The following SEC13 variants were observed in gnomAD, a reference collection of about 807,000 sequenced individuals.
SEC13 encodes the protein protein SEC13 homolog.
In SEC13, 25 loss-of-function variants were observed where a neutral mutation model predicts 49.2. The ratio of observed to expected loss-of-function variants is 0.51; its 90% CI spans 0.37 to 0.71. The LOEUF (loss-of-function observed/expected upper bound fraction) is 0.71, where lower values mean the gene tolerates loss of function less well. SEC13 is among the 30% of genes least tolerant of loss of function. SEC13 has a pLI of 0.00. For synonymous variants in SEC13, 148 were observed against 163.9 expected, an observed-to-expected ratio of 0.90 and a Z score of 0.74; for missense variants, 383 against 417.6, an observed-to-expected ratio of 0.92 and a Z score of 0.72.
chr3:10,305,178 G>T, intron 6 of SEC13, 22 bp from the exon 7 acceptor site: 2 of 1,596,226 alleles, frequency 1.3e-6, no homozygotes, highest in Non-Finnish European at 1.7e-6. Context: ...GACAGAAAGA[G>T]AATCAGCAGG....
intron 1 of SEC13, 164 bp downstream of exon 1, chr3:10,320,886 G>T: frequency 1.4e-6 from 2 of 1,426,572 alleles, no homozygotes; most frequent in Non-Finnish European, 1.8e-6. Context: ...GACTCCCCTC[G>T]GAATGGTCCG....
In SEC13 at chr3:10,309,602, A is replaced by G. The variant is rs9846761; in HGVS notation, c.450+2363T>C. On this transcript the variant is annotated intron_variant, in intron 5 of 8. Coordinates refer to ENST00000350697, the MANE Select transcript of SEC13 (RefSeq NM_183352.3). ...GATTTTTAAAAAGTTGATTTACACT[A>G]TTCTCTCTTGTTTTGTATTGTTAGA... Among the ~76,000 whole-genome samples the G allele has an allele frequency of 4.6e-3, 707 of 152,140 alleles. 5 individuals are homozygous for G. The highest frequency in any genetic ancestry group is 0.016 in the African/African-American group (656 of 41,496).
chr3:10,311,526 G>A (rs1380830049), intron 5 of SEC13: 2 of 442,008 alleles, frequency 4.5e-6, no homozygotes, highest in African/African-American at 2.1e-5. Flanking sequence ...CCAACATCAC[G>A]ACCACTGTCA....
chr3:10,312,092 G>A lies in SEC13; in HGVS notation c.323C>T (p.Ser108Leu), dbSNP rs760248534. ...EHAGHDSSVN[S>L]VCWAPHDYGL... ...GTAGTCATGGGGGGCCCAGCACACC[G>A]AGTTCACTGCGGGAAGAGGGAGAGT... is the stretch of plus-strand genomic sequence containing the variant. Residue 108 changes from serine to leucine, a missense_variant, in exon 5 of 9, where the codon TCG becomes TTG. Transcript: ENST00000350697. 33 of 1,600,284 alleles carry A rather than the reference G, an allele frequency of 2.1e-5. No homozygotes were observed. Among genetic ancestry groups the A allele is most frequent in the Admixed American group, 1.7e-5 (1 of 57,622 alleles).
rs1700476559 is a variant in SEC13, at chr3:10,301,153, A to AAAATAATCCTGTTGGAGTTG, written c.*88_*107dup. 6.2e-7 allele frequency: 1 copy of AAAATAATCCTGTTGGAGTTG among 1,613,812 alleles called. No homozygotes were observed. On this transcript the variant is annotated 3_prime_UTR_variant, in exon 9 of 9. Coordinates refer to ENST00000350697, the MANE Select transcript of SEC13 (RefSeq NM_183352.3). The stretch of plus-strand genomic sequence containing the variant: ...GGCTGCATCTGTAACTCCTCCTGGG[A>AAAATAATCCTGTTGGAGTTG]AAATAATCCTGTTGGAGTTGGGGGC...
intron 7 of SEC13, 122 bp downstream of exon 7, chr3:10,304,910 TG>T: frequency 6.9e-7 from 1 of 1,453,508 alleles, no homozygotes; most frequent in East Asian, 2.3e-5. Context: ...CCCTGTGCTC[TG>T]GGCCAAAGGT....
At chr3:10,302,526 TAAA>T (rs1446144007) in intron 8 of SEC13, among the ~76,000 whole-genome samples, 1 of 152,136 alleles carries the variant, frequency 6.6e-6, no homozygotes, top group Non-Finnish European at 1.5e-5. Flanking sequence ...TACAGCCTTG[TAAA>T]AAAGTCACTG....
In SEC13 at chr3:10,305,892, G is replaced by A. The variant is rs117638042; in HGVS notation, c.451-200C>T. 1,764 of 459,564 alleles carry A rather than the reference G, an allele frequency of 3.8e-3. 36 individuals are homozygous for A. In the South Asian group the frequency reaches 0.04, roughly 10 times the overall value. The allele number at this position is 459,564 out of a possible 1,614,324, so 28.5% of individuals were successfully genotyped here. ...GTGTGTGCATTTTTCTGCAGTGTGC[G>A]CTAAAAGTAGAAATTAAGAACTCCC... On this transcript the variant is annotated intron_variant, in intron 5 of 8. Transcript: ENST00000350697.
chr3:10,319,375 A>C (rs1242572738), intron 1 of SEC13: 3 of 1,336,756 alleles, frequency 2.2e-6, no homozygotes, highest in Non-Finnish European at 3.0e-6. Flanking sequence ...TGTATAGGTT[A>C]CAAAGTGCAC....
At position 10,305,147 on chromosome 3, in the gene SEC13, C is replaced by A; in HGVS notation, c.594G>T (p.Glu198Asp). The A allele has an allele frequency of 6.2e-7, 1 of 1,611,526 alleles. No individual in the cohort carries two copies. Among genetic ancestry groups the A allele is most frequent in the Non-Finnish European group, 8.5e-7 (1 of 1,178,672 alleles). ...TCTGCTCCTCCTTCCACTGGCCGTC[C>A]TCCTCCTCCCTAACAGTGGGGACAG... is the stretch of plus-strand genomic sequence containing the variant. Reference protein sequence around the residue: ...DNLIKLWKEEEDGQWKEEQKL... With the variant: ...DNLIKLWKEEDDGQWKEEQKL... The change falls in exon 7 of 9, where the codon GAG becomes GAT. Residue 198 changes from glutamate (E) to aspartate (D), a missense_variant. Physicochemically the swap from Glu to Asp is conservative, Grantham distance 45 (BLOSUM62 2). Coordinates refer to ENST00000350697, the MANE Select transcript of SEC13 (RefSeq NM_183352.3).
At position 10,305,168 on chromosome 3, in the gene SEC13, G is replaced by A. The variant is rs1700791900; in HGVS notation, c.585-12C>T. The A allele has an allele frequency of 6.2e-7, 1 of 1,602,386 alleles. No individual in the cohort carries two copies. ...CGTCCTCCTCCTCCCTAACAGTGGG[G>A]ACAGAAAGAGAATCAGCAGGGGGCC... On this transcript the variant is annotated splice_polypyrimidine_tract_variant and intron_variant, in intron 6 of 8. Coordinates refer to ENST00000350697, the MANE Select transcript of SEC13 (RefSeq NM_183352.3).
chr3:10,305,628 G>A lies in SEC13; in HGVS notation c.515C>T (p.Ser172Leu), dbSNP rs34078590. Residue 172 changes from serine (S) to leucine (L), a missense_variant, in exon 6 of 9, where the codon TCG becomes TTG. Coordinates refer to ENST00000350697, the MANE Select transcript of SEC13 (RefSeq NM_183352.3). ...VVPGSLIDHP[S>L]GQKPNYIKRF... ...CTTGATGTAATTGGGTTTCTGCCCC[G>A]ATGGGTGGTCTATGAGGCTTCCAGG... 4.3e-4 allele frequency: 690 copies of A among 1,614,190 alleles called. 2 individuals are homozygous for A. In the African/African-American group the frequency reaches 6.5e-3, roughly 15 times the overall value.
intron 2 of SEC13, among the ~76,000 whole-genome samples, chr3:10,316,014 C>T (rs1220798230): frequency 6.6e-6 from 1 of 152,208 alleles, no homozygotes; most frequent in African/African-American, 2.4e-5. Flanking sequence ...GGGGCTTCTG[C>T]TCGACCTTTT....
Position 10,301,083 on chromosome 3 carries a change from A to G in SEC13, c.*178T>C. On this transcript the variant is annotated 3_prime_UTR_variant, in exon 9 of 9. Coordinates refer to ENST00000350697, the MANE Select transcript of SEC13 (RefSeq NM_183352.3). ...ATGAGTGCTTTCAGCTGGACAGTAG[A>G]TTACAAAGCATCTCCGATCACGTTA... 1 of 1,612,128 alleles carries G rather than the reference A, an allele frequency of 6.2e-7. No homozygotes were observed. Among genetic ancestry groups the G allele is most frequent in the Non-Finnish European group, 8.5e-7 (1 of 1,179,754 alleles).
chr3:10,312,078 G>T lies in SEC13; in HGVS notation c.337C>A (p.Pro113Thr). Reference sequence around the variant, plus strand: ...GCCAGGATCAGGCCGTAGTCATGGGGGGCCCAGCACACCGAGTTCACTGCG... The same window carrying T: ...GCCAGGATCAGGCCGTAGTCATGGGTGGCCCAGCACACCGAGTTCACTGCG... ...DSSVNSVCWA[P>T]HDYGLILACG... Residue 113 changes from proline to threonine, a missense_variant, in exon 5 of 9, where the codon CCC becomes ACC. Pro to Thr is a conservative substitution (Grantham distance 38). Transcript: ENST00000350697. The T allele has an allele frequency of 6.2e-7, 1 of 1,607,982 alleles. No individual in the cohort carries two copies. The highest frequency in any genetic ancestry group is 8.5e-7 in the Non-Finnish European group (1 of 1,177,042).
intron 3 of SEC13, chr3:10,312,961 C>T: frequency 4.2e-6 from 2 of 481,226 alleles, no homozygotes; most frequent in African/African-American, 1.9e-5. Flanking sequence ...GAGAGTTGAG[C>T]CTCTGGGTCA....
chr3:10,303,735 C>T, intron 8 of SEC13: 1 of 471,688 alleles, frequency 2.1e-6, no homozygotes, highest in Admixed American at 3.3e-5. Context: ...TGACCAAATG[C>T]TTAGTAGGGT....
At chr3:10,312,467 A>G (rs1395850846) in intron 4 of SEC13, 112 bp downstream of exon 4, 6 of 1,336,994 alleles carry the variant, frequency 4.5e-6, no homozygotes, top group East Asian at 4.6e-5. Context: ...ACCAAAGCTC[A>G]AGAGACAGAC....
Position 10,304,065 on chromosome 3 carries a change from GA to G in SEC13, c.815del (p.Ile272ThrfsTer15). Reference sequence around the variant, plus strand: ...CAGAGACAGCCAGGATGTTGGCTGTGATGGACCAGCTCACATGCCACACCAC... The same window carrying G: ...CAGAGACAGCCAGGATGTTGGCTGTGTGGACCAGCTCACATGCCACACCAC... Reference protein sequence around the residue: ...NDVVWHVSWSITANILAVSGG... With the variant: ...NDVVWHVSWSXTANILAVSGG... On this transcript the variant is annotated frameshift_variant, in exon 8 of 9. Transcript: ENST00000350697. LOFTEE classifies it high-confidence loss of function. The G allele has an allele frequency of 6.2e-7, 1 of 1,614,148 alleles. No individual in the cohort carries two copies. The highest frequency in any genetic ancestry group is 8.5e-7 in the Non-Finnish European group (1 of 1,180,006).
Sources: gnomAD v4.1 joint callset for allele counts (sites outside exome capture counted in the v4.1 genomes callset) on GRCh38, gnomAD v4.1.1 for gene constraint, MANE v1.5 for transcripts, NCBI Gene and HGNC (gene_info 2026-07-23, HGNC 2026-07-21) for gene names.